The following ARID5B variants were observed in gnomAD, a reference collection of about 807,000 sequenced individuals.
ARID5B encodes the protein AT-rich interactive domain-containing protein 5B.
In ARID5B, 13 loss-of-function variants were observed where a neutral mutation model predicts 97.2. That is an observed-to-expected ratio of 0.13 (90% CI 0.09 to 0.21). The LOEUF is 0.21. ARID5B is among the 10% of genes least tolerant of loss of function. ARID5B has a pLI of 1.00. For missense variants in ARID5B, 1,210 were observed against 1,465.3 expected, an observed-to-expected ratio of 0.83 and a Z score of 2.84; for synonymous variants, 556 against 570.3, an observed-to-expected ratio of 0.97 and a Z score of 0.36.
intron 3 of ARID5B, among the ~76,000 whole-genome samples, chr10:61,959,441 C>T: frequency 6.6e-6 from 1 of 152,050 alleles, no homozygotes; most frequent in South Asian, 2.1e-4. Context: ...CATTATTCCC[C>T]CACCCCACCT....
At chr10:61,958,245 T>G (rs781370695) in intron 3 of ARID5B, among the ~76,000 whole-genome samples, 1 of 152,190 alleles carries the variant, frequency 6.6e-6, no homozygotes, top group Non-Finnish European at 1.5e-5. Flanking sequence ...TTGTGACCTC[T>G]TTTTCTTTCT....
At chr10:61,971,465 G>A (rs1838625795) in intron 3 of ARID5B, among the ~76,000 whole-genome samples, 3 of 152,212 alleles carry the variant, frequency 2.0e-5, no homozygotes, top group Admixed American at 2.0e-4. Context: ...TGATATGTTT[G>A]TGTCTATTCT....
rs760594078 is a variant in ARID5B, at chr10:62,092,708, A to T, written c.3245A>T (p.Tyr1082Phe). The stretch of plus-strand genomic sequence containing the variant: ...TCCTCCCCTATCTTCCCAGGTCTGT[A>T]TTCCGGGAGCCTGTGTAACTCGGGC... ...PLSSPIFPGL[Y>F]SGSLCNSGLN... The change falls in exon 10 of 10, where the codon TAT (tyrosine) becomes TTT (phenylalanine). Residue 1082 changes from tyrosine to phenylalanine, a missense_variant. Transcript: ENST00000279873. 1 of 1,613,980 alleles carries T rather than the reference A, an allele frequency of 6.2e-7. No individual in the cohort carries two copies. Among genetic ancestry groups the T allele is most frequent in the Non-Finnish European group, 8.5e-7 (1 of 1,180,010 alleles).
chr10:61,928,489 T>C (rs369271954), intron 2 of ARID5B, among the ~76,000 whole-genome samples: 1 of 151,936 alleles, frequency 6.6e-6, no homozygotes, highest in South Asian at 2.1e-4. Context: ...TTTGTAGAGA[T>C]TGGGTTTTGT....
Position 62,000,444 on chromosome 10 carries a change from C to T in ARID5B, c.733+123C>T. ...TTCACAAGCCCCATGTGCTGCCCCA[C>T]CCCTCCCATCCCCCAAATTATTGCG... On this transcript the variant is annotated intron_variant, in intron 4 of 9. Coordinates refer to ENST00000279873, the MANE Select transcript of ARID5B (RefSeq NM_032199.3). This position sits in a 1 kb window ranked among gnomAD's most constrained non-coding sequence, Gnocchi z 4.4. 1.2e-6 allele frequency: 1 copy of T among 811,614 alleles called. No homozygotes were observed. The allele number at this position is 811,614 out of a possible 1,614,324, so 50.3% of individuals were successfully genotyped here. A position where few individuals can be genotyped will look rare whatever the true frequency, so the allele number is the denominator to read the frequency against.
intron 3 of ARID5B, among the ~76,000 whole-genome samples, chr10:61,977,386 C>T (rs1838715305): frequency 6.6e-6 from 1 of 152,202 alleles, no homozygotes; most frequent in South Asian, 2.1e-4. Context: ...AATGGGATGG[C>T]TGGGTCAAAT....
chr10:61,943,802 A>G (rs1051918930), intron 3 of ARID5B, among the ~76,000 whole-genome samples: 18 of 151,952 alleles, frequency 1.2e-4, no homozygotes, highest in Admixed American at 6.6e-4. Flanking sequence ...AATACTCCAC[A>G]AAGAGAAACT....
intron 2 of ARID5B, among the ~76,000 whole-genome samples, chr10:61,924,848 G>T (rs1844074433): frequency 6.6e-6 from 1 of 152,004 alleles, no homozygotes; most frequent in Non-Finnish European, 1.5e-5. Flanking sequence ...TTCCTTTGAG[G>T]GTCTTTATGG....
At chr10:62,037,398 A>C (rs889494549) in intron 4 of ARID5B, among the ~76,000 whole-genome samples, 1 of 152,200 alleles carries the variant, frequency 6.6e-6, no homozygotes, top group Admixed American at 6.5e-5. Flanking sequence ...GCCTCTATGA[A>C]CATCTTAGTC....
chr10:61,924,290 C>G (rs1222380106), intron 2 of ARID5B, among the ~76,000 whole-genome samples: 1 of 152,154 alleles, frequency 6.6e-6, no homozygotes, highest in Admixed American at 6.6e-5. Flanking sequence ...AGTCGTTGAA[C>G]AGGAGTAGAA....
intron 2 of ARID5B, among the ~76,000 whole-genome samples, chr10:61,911,611 C>T (rs999079217): frequency 1.3e-5 from 2 of 152,120 alleles, no homozygotes; most frequent in African/African-American, 2.4e-5. Context: ...AGTAGTCATT[C>T]TCATTTGATT....
chr10:61,976,852 T>A (rs1379754200), intron 3 of ARID5B, among the ~76,000 whole-genome samples: 1 of 84,494 alleles, frequency 1.2e-5, no homozygotes, highest in Non-Finnish European at 2.4e-5. Context: ...GAGAGAAACT[T>A]TCTTTCTTTT....
chr10:61,920,695 G>GA (rs1843999331), intron 2 of ARID5B, among the ~76,000 whole-genome samples: 2 of 152,016 alleles, frequency 1.3e-5, no homozygotes, highest in Non-Finnish European at 2.9e-5. Context: ...TATTGCTCTT[G>GA]AAAAAATATA....
chr10:62,066,186 C>A (rs1023002661), intron 7 of ARID5B, among the ~76,000 whole-genome samples: 1 of 152,194 alleles, frequency 6.6e-6, no homozygotes, highest in Non-Finnish European at 1.5e-5. Context: ...TTACATGAAG[C>A]CGGGAGATGT....
chr10:61,959,008 G>A (rs1248040841), intron 3 of ARID5B, among the ~76,000 whole-genome samples: 1 of 152,190 alleles, frequency 6.6e-6, no homozygotes, highest in Non-Finnish European at 1.5e-5. Flanking sequence ...GCAATGAAAG[G>A]CTGTCAGTTG....
chr10:62,082,523 C>G (rs1441416894), intron 8 of ARID5B, among the ~76,000 whole-genome samples: 1 of 152,174 alleles, frequency 6.6e-6, no homozygotes. Flanking sequence ...AGTTTAGAAA[C>G]TGATAAAATC....
intron 4 of ARID5B, among the ~76,000 whole-genome samples, chr10:62,030,279 G>T (rs1376547014): frequency 6.6e-6 from 1 of 152,008 alleles, no homozygotes; most frequent in African/African-American, 2.4e-5. Context: ...ATAGGCACCT[G>T]CTATCACGCC....
intron 2 of ARID5B, among the ~76,000 whole-genome samples, chr10:61,939,260 A>G (rs929596370): frequency 1.3e-5 from 2 of 152,156 alleles, no homozygotes; most frequent in African/African-American, 4.8e-5. Context: ...TGCTTAAATA[A>G]CTTAACTTAA....
At chr10:61,977,839 G>T (rs929958641) in intron 3 of ARID5B, among the ~76,000 whole-genome samples, 2 of 152,096 alleles carry the variant, frequency 1.3e-5, no homozygotes, top group African/African-American at 4.8e-5. Context: ...AGTTTCTTTT[G>T]CTGTGCAGAA....
Sources: allele counts gnomAD v4.1 joint callset (sites outside exome capture counted in the v4.1 genomes callset), GRCh38; gene constraint gnomAD v4.1.1; non-coding constraint Gnocchi (gnomAD v3.1); transcripts MANE v1.5; gene names NCBI Gene and HGNC (gene_info 2026-07-23, HGNC 2026-07-21).